The following MLST8 variants were observed in gnomAD, a reference collection of about 807,000 sequenced individuals.
MLST8 encodes the protein target of rapamycin complex subunit LST8.
A neutral mutation model predicts 41.3 loss-of-function variants in MLST8; 20 were observed. The ratio of observed to expected loss-of-function variants is 0.48; its 90% CI spans 0.34 to 0.70. The LOEUF is 0.70. Ranked by LOEUF, MLST8 falls within the 30% of genes least tolerant of loss-of-function variation. The pLI, the probability that MLST8 is intolerant of heterozygous loss-of-function variation, is 0.01. For missense variants in MLST8, 422 were observed against 454.3 expected (o/e 0.93, Z 0.65); for synonymous variants, 243 against 183.0 (o/e 1.33, Z -2.65).
Position 2,209,451 on chromosome 16 carries a change from G to C in MLST8, c.*574G>C, listed in dbSNP as rs192860278. The C allele has an allele frequency of 7.4e-6, 12 of 1,613,620 alleles. No homozygotes were observed. The East Asian group carries it at 1.6e-4, about 21-fold the overall frequency. On this transcript the variant is annotated 3_prime_UTR_variant, in exon 9 of 9. Coordinates refer to ENST00000569417, the MANE Select transcript of MLST8 (RefSeq NM_022372.6). ...CAGAGATAAATCAGCCGCTGTCTCC[G>C]GGGCCCTGTGGCGAGGGTGCCGTGA...
intron 1 of MLST8, 150 bp downstream of exon 1, chr16:2,205,662 C>A: frequency 1.0e-6 from 1 of 987,908 alleles, no homozygotes; most frequent in Non-Finnish European, 1.2e-6. Flanking sequence ...CCTTTCCCAT[C>A]AGGGCCTGCC....
Position 2,206,505 on chromosome 16 carries a change from C to A in MLST8, c.190C>A (p.His64Asn). The A allele has an allele frequency of 1.2e-6, 2 of 1,611,040 alleles. No homozygotes were observed. Among genetic ancestry groups the A allele is most frequent in the Non-Finnish European group, 1.7e-6 (2 of 1,177,426 alleles). ...TCAGCCTGTGTCCCTAGGTTACCAG[C>A]ACATCCGCATGTATGATCTCAACTC... Reference protein sequence around the residue: ...RSMIAAAGYQHIRMYDLNSNN... With the variant: ...RSMIAAAGYQNIRMYDLNSNN... Residue 64 changes from histidine (H) to asparagine (N), a missense_variant, in exon 4 of 9, where the codon CAC becomes AAC. Transcript: ENST00000569417.
At chr16:2,206,319 T>G in intron 2 of MLST8, 39 bp from the exon 3 acceptor site, 1 of 1,612,150 alleles carries the variant, frequency 6.2e-7, no homozygotes, top group Non-Finnish European at 8.5e-7. Flanking sequence ...GGCCCTGGCC[T>G]CAGGGCTACC....
rs377291980 is a variant in MLST8, at chr16:2,208,749, C to T, written c.863-10C>T. ...CTGCGCTCTTAGCCCTGCACAATCT[C>T]CCCCTCCAGCTTCCTCGGACAACCT... On this transcript the variant is annotated splice_polypyrimidine_tract_variant and intron_variant, in intron 8 of 8. Coordinates refer to ENST00000569417, the MANE Select transcript of MLST8 (RefSeq NM_022372.6). 3.7e-6 allele frequency: 6 copies of T among 1,613,802 alleles called. No individual in the cohort carries two copies. Among genetic ancestry groups the T allele is most frequent in the East Asian group, 4.5e-5 (2 of 44,892 alleles).
chr16:2,208,414 G>GGCT (rs1323413442), intron 7 of MLST8, 36 bp from the exon 8 acceptor site: 1 of 1,608,910 alleles, frequency 6.2e-7, no homozygotes, highest in South Asian at 1.1e-5. Flanking sequence ...TGGATGGAGT[G>GGCT]GCTGCTGCTG....
Position 2,207,203 on chromosome 16 carries a change from T to A in MLST8, c.431T>A (p.Ile144Asn), listed in dbSNP as rs2093309120. 1.9e-6 allele frequency: 3 copies of A among 1,613,890 alleles called. No homozygotes were observed. Among genetic ancestry groups the A allele is most frequent in the Admixed American group, 1.7e-5 (1 of 60,000 alleles). Residue 144 changes from isoleucine (I) to asparagine (N), a missense_variant, in exon 6 of 9, where the codon ATC becomes AAC. Ile to Asn is a moderately radical substitution (Grantham distance 149). Coordinates refer to ENST00000569417, the MANE Select transcript of MLST8 (RefSeq NM_022372.6). Reference protein sequence around the residue: ...VCLHPNQAELIVGDQSGAIHI... With the variant: ...VCLHPNQAELNVGDQSGAIHI... ...ACCCCTGCACCCCAGGCAGAGCTCATCGTGGGTGACCAGAGCGGGGCTATC... is the reference window on the plus strand; with the variant it reads ...ACCCCTGCACCCCAGGCAGAGCTCAACGTGGGTGACCAGAGCGGGGCTATC...
At chr16:2,205,760 A>T in intron 1 of MLST8, 1 of 1,032,596 alleles carries the variant, frequency 9.7e-7, no homozygotes, top group African/African-American at 1.7e-5. Context: ...CCCCTGCGGC[A>T]GAGTGGCGCC....
rs2093343184 is a variant in MLST8, at chr16:2,208,562, G to A, written c.811G>A (p.Gly271Ser). 2 of 1,612,850 alleles carry A rather than the reference G, an allele frequency of 1.2e-6. No individual in the cohort carries two copies. Among genetic ancestry groups the A allele is most frequent in the Non-Finnish European group, 1.7e-6 (2 of 1,179,782 alleles). ...CGGCAACCCCGGGGAGTCCTCCCGC[G>A]GCTGGATGTGGGGCTGCGCCTTCTC... ...KSGNPGESSRGWMWGCAFSGD... is the reference protein window; with the variant it reads ...KSGNPGESSRSWMWGCAFSGD... Residue 271 changes from glycine to serine, a missense_variant, in exon 8 of 9, where the codon GGC (glycine) becomes AGC (serine). By Grantham distance (56) the Gly-to-Ser change is moderately conservative. Coordinates refer to ENST00000569417, the MANE Select transcript of MLST8 (RefSeq NM_022372.6).
Position 2,208,879 on chromosome 16 carries a change from C to T in MLST8, c.*2C>T, listed in dbSNP as rs559590456. The T allele has an allele frequency of 2.6e-5, 42 of 1,613,160 alleles. No individual in the cohort carries two copies. In the South Asian group the frequency reaches 4.0e-4, roughly 15 times the overall value. ...TTCAATGACAGTGTGCTGGGCTAGC[C>T]TGTGACCCCTCGGGACTGCCTGGTG... On this transcript the variant is annotated 3_prime_UTR_variant, in exon 9 of 9. Transcript: ENST00000569417.
At position 2,208,445 on chromosome 16, in the gene MLST8, A is replaced by G; in HGVS notation, c.699-5A>G. ...TGCTGGACACGCCCCATGCCCACCC[A>G]CTAGGCTCCTCGCCACCTGCTCGGC... On this transcript the variant is annotated splice_polypyrimidine_tract_variant and splice_region_variant and intron_variant, in intron 7 of 8. Transcript: ENST00000569417. 9 of 1,612,410 alleles carry G rather than the reference A, an allele frequency of 5.6e-6. No individual in the cohort carries two copies. Among genetic ancestry groups the G allele is most frequent in the Non-Finnish European group, 7.6e-6 (9 of 1,179,666 alleles).
In MLST8 at chr16:2,205,670, G is replaced by C. The variant is rs1049348449; in HGVS notation, c.-56+158G>C. 2.3e-5 allele frequency: 23 copies of C among 988,836 alleles called. No homozygotes were observed. In the Admixed American group the frequency reaches 2.5e-4, roughly 11 times the overall value. 61.3% of individuals were successfully genotyped at this position (988,836 alleles called of 1,614,324 possible). A position where few individuals can be genotyped will look rare whatever the true frequency, so the allele number is the denominator to read the frequency against. On this transcript the variant is annotated intron_variant, in intron 1 of 8. Coordinates refer to ENST00000569417, the MANE Select transcript of MLST8 (RefSeq NM_022372.6). ...ACTGCGCCCTTTCCCATCAGGGCCT[G>C]CCGCTGGCCTGCTACGCATGCGCAG...
intron 6 of MLST8, 125 bp from the exon 7 acceptor site, chr16:2,208,085 C>T: frequency 8.5e-7 from 1 of 1,177,714 alleles, no homozygotes; most frequent in South Asian, 1.6e-5. Flanking sequence ...ACCAGAGGGG[C>T]CTGCCTGCCC....
chr16:2,206,418 G>A lies in MLST8; in HGVS notation c.181+9G>A, dbSNP rs2093290580. 1 of 1,614,142 alleles carries A rather than the reference G, an allele frequency of 6.2e-7. No homozygotes were observed. Among genetic ancestry groups the A allele is most frequent in the Non-Finnish European group, 8.5e-7 (1 of 1,180,010 alleles). ...CATGATTGCTGCTGCAGGTATCTGT[G>A]ATCCTTGATCTCTAAACTCCTGAGC... On this transcript the variant is annotated intron_variant, in intron 3 of 8. Transcript: ENST00000569417.
Position 2,206,035 on chromosome 16 carries a change from T to C in MLST8, c.-51T>C. 1 of 1,511,004 alleles carries C rather than the reference T, an allele frequency of 6.6e-7. No individual in the cohort carries two copies. Among genetic ancestry groups the C allele is most frequent in the Non-Finnish European group, 8.9e-7 (1 of 1,123,744 alleles). 93.6% of individuals were successfully genotyped at this position (1,511,004 alleles called of 1,614,324 possible). On this transcript the variant is annotated 5_prime_UTR_variant, in exon 2 of 9. Coordinates refer to ENST00000569417, the MANE Select transcript of MLST8 (RefSeq NM_022372.6). ...ACTTCACATCCTTCTCTGCAGATGC[T>C]CTGACCTTTGACCCCTGCCGTTCAG...
At position 2,206,672 on chromosome 16, in the gene MLST8, G is replaced by C; in HGVS notation, c.344+13G>C. On this transcript the variant is annotated intron_variant, in intron 4 of 8. Transcript: ENST00000569417. ...TCTGGGACCTCAGGTGCGGTGGGGA[G>C]GGGGCGTGCTGCCCGGGGCTGGGGT... The C allele has an allele frequency of 6.2e-7, 1 of 1,611,388 alleles. No individual in the cohort carries two copies. Among genetic ancestry groups the C allele is most frequent in the East Asian group, 2.2e-5 (1 of 44,848 alleles).
chr16:2,208,371 C>T, intron 7 of MLST8, 37 bp downstream of exon 7: 2 of 1,605,902 alleles, frequency 1.2e-6, no homozygotes, highest in Non-Finnish European at 1.7e-6. Context: ...AGGGGACCTG[C>T]CTGGGCTGGG....
In MLST8 at chr16:2,209,211, C is replaced by T. The variant is rs1011891253; in HGVS notation, c.*334C>T. The T allele has an allele frequency of 3.7e-5, 28 of 759,290 alleles. No individual in the cohort carries two copies. Among genetic ancestry groups the T allele is most frequent in the East Asian group, 2.4e-4 (9 of 37,100 alleles). The allele number at this position is 759,290 out of a possible 1,614,324, so 47.0% of individuals were successfully genotyped here. ...AGTGTGTTCTCTGCCCCTCCCTGCC[C>T]GCGTTTCAGGGCCTCGGTCCATAGA... is the stretch of plus-strand genomic sequence containing the variant. On this transcript the variant is annotated 3_prime_UTR_variant, in exon 9 of 9. Coordinates refer to ENST00000569417, the MANE Select transcript of MLST8 (RefSeq NM_022372.6).
At chr16:2,207,570 C>G (rs922029124) in intron 6 of MLST8, 3 of 574,668 alleles carry the variant, frequency 5.2e-6, no homozygotes, top group Non-Finnish European at 6.2e-6. Context: ...TCTCCCAAGT[C>G]GATCCACTTC....
At chr16:2,207,516 G>A in intron 6 of MLST8, 171 bp downstream of exon 6, 2 of 760,570 alleles carry the variant, frequency 2.6e-6, no homozygotes, top group South Asian at 3.6e-5. Context: ...CGCTCCCGAT[G>A]GCTTAGTCCT....
Sources: gnomAD v4.1 joint callset for allele counts on GRCh38, gnomAD v4.1.1 for gene constraint, MANE v1.5 for transcripts, NCBI Gene and HGNC (gene_info 2026-07-23, HGNC 2026-07-21) for gene names.